POT1: variants seen among roughly 807,000 people sequenced by gnomAD.
The protein encoded by POT1 is protection of telomeres 1.
In POT1, 47 loss-of-function variants were observed where a neutral mutation model predicts 78.5. The observed-to-expected ratio is 0.60, with a 90% confidence interval of 0.47 to 0.76. The LOEUF (loss-of-function observed/expected upper bound fraction) is 0.76, where lower values mean the gene tolerates loss of function less well. POT1 is among the 30% of genes least tolerant of loss of function. POT1 has a pLI of 0.00. For synonymous variants in POT1, 259 were observed against 260.7 expected (o/e 0.99, Z 0.06); for missense variants, 646 against 749.9 (o/e 0.86, Z 1.62).
intron 17 of POT1, among the ~76,000 whole-genome samples, chr7:124,825,635 A>G (rs1175102297): frequency 6.6e-6 from 1 of 152,162 alleles, no homozygotes; most frequent in Non-Finnish European, 1.5e-5. Context: ...GAGGCTGACT[A>G]TTCTCTTTGT....
intron 8 of POT1, among the ~76,000 whole-genome samples, chr7:124,861,273 C>T (rs910819542): frequency 6.6e-6 from 1 of 152,218 alleles, no homozygotes; most frequent in Non-Finnish European, 1.5e-5. Flanking sequence ...CATGTTGTTT[C>T]CTGACTTTTT....
In POT1 at chr7:124,863,547, G is replaced by T; in HGVS notation, c.349C>A (p.Arg117Ser). ...EGTLGAPIIP[R>S]TSSKYFNFTT... ...AAGTTAAAATACTTGCTTGAAGTGCGAGGTATGATAGGGGCTCCCAAAGTT... is the reference window on the plus strand; with the variant it reads ...AAGTTAAAATACTTGCTTGAAGTGCTAGGTATGATAGGGGCTCCCAAAGTT... The change falls in exon 8 of 19, where the codon CGC (arginine) becomes AGC (serine). Residue 117 changes from arginine (R) to serine (S), a missense_variant. This residue lies in a region of POT1 where 252 missense variants were observed against 341.4 expected (regional missense o/e 0.74). Transcript: ENST00000357628. The T allele has an allele frequency of 6.2e-7, 1 of 1,613,864 alleles. No homozygotes were observed.
At chr7:124,829,217 A>G (rs1794701732) in intron 16 of POT1, 37 bp downstream of exon 16, 2 of 1,390,198 alleles carry the variant, frequency 1.4e-6, no homozygotes, top group South Asian at 2.4e-5. Flanking sequence ...CTTGTAAACA[A>G]ACAGTTAAAA....
chr7:124,926,705 G>A (rs1797282601), intron 2 of POT1, among the ~76,000 whole-genome samples: 1 of 152,126 alleles, frequency 6.6e-6, no homozygotes, highest in African/African-American at 2.4e-5. Context: ...TGGAGGACTG[G>A]ATTTAAAAAG....
chr7:124,849,748 A>T (rs572550148), intron 11 of POT1, among the ~76,000 whole-genome samples: 1 of 152,182 alleles, frequency 6.6e-6, no homozygotes, highest in South Asian at 2.1e-4. Context: ...TGAAAAAAGC[A>T]TAACATTATT....
In POT1 at chr7:124,889,612, ACT is replaced by A. The variant is rs1348869567; in HGVS notation, c.124+2652_124+2653del. 3.3e-5 allele frequency among the ~76,000 whole-genome samples: 5 copies of A among 151,896 alleles called. No homozygotes were observed. The South Asian group carries it at 6.3e-4, about 19-fold the overall frequency. ...CTTCAAAGCTTCAAAAAACAGGTTC[ACT>A]CTCTTGTGAGAGTCTAATGCAGTTG... On this transcript the variant is annotated intron_variant, in intron 6 of 18. Transcript: ENST00000357628.
At chr7:124,899,666 G>A (rs1251778482) in intron 3 of POT1, among the ~76,000 whole-genome samples, 3 of 151,992 alleles carry the variant, frequency 2.0e-5, no homozygotes, top group Non-Finnish European at 4.4e-5. Flanking sequence ...ATTTAAAGTT[G>A]TTTATCAAAC....
At chr7:124,869,398 G>A (rs988005309) in intron 7 of POT1, among the ~76,000 whole-genome samples, 3 of 152,070 alleles carry the variant, frequency 2.0e-5, no homozygotes, top group East Asian at 1.9e-4. Flanking sequence ...TATTGTGAAT[G>A]ATGAGATGTT....
intron 5 of POT1, among the ~76,000 whole-genome samples, chr7:124,893,162 T>C (rs1030914172): frequency 3.3e-5 from 5 of 151,412 alleles, no homozygotes; most frequent in Non-Finnish European, 7.4e-5. Context: ...TAAATCAAAC[T>C]GTTAACAGAG....
chr7:124,913,396 T>C (rs932514794), intron 3 of POT1, among the ~76,000 whole-genome samples: 1 of 152,212 alleles, frequency 6.6e-6, no homozygotes, highest in Non-Finnish European at 1.5e-5. Flanking sequence ...AGATATATGA[T>C]TTGCAAATAT....
At chr7:124,884,458 T>G (rs1232534551) in intron 6 of POT1, among the ~76,000 whole-genome samples, 25 of 152,088 alleles carry the variant, frequency 1.6e-4, no homozygotes, top group Admixed American at 1.6e-3. Context: ...CCAAGACTGC[T>G]AAACAAACTA....
intron 6 of POT1, among the ~76,000 whole-genome samples, chr7:124,872,214 T>A (rs1795887906): frequency 6.6e-6 from 1 of 152,204 alleles, no homozygotes; most frequent in Non-Finnish European, 1.5e-5. Context: ...CCACATTTTC[T>A]TTATTCATCC....
rs114383077 is a variant in POT1 at position 124,897,615 on chromosome 7, A to C, written c.-39-403T>G. On this transcript the variant is annotated intron_variant, in intron 4 of 18. Coordinates refer to ENST00000357628, the MANE Select transcript of POT1 (RefSeq NM_015450.3). ...TAGAACCTTAGATGTTTTCAGAAAGAAAAAAATCAATAAGGAAGTGCTTCA... is the reference window on the plus strand; with the variant it reads ...TAGAACCTTAGATGTTTTCAGAAAGCAAAAAATCAATAAGGAAGTGCTTCA... Among the ~76,000 whole-genome samples the C allele has an allele frequency of 5.6e-3, 856 of 152,002 alleles. 8 individuals are homozygous for C. Among genetic ancestry groups the C allele is most frequent in the Middle Eastern group, 0.024 (7 of 294 alleles).
At chr7:124,832,220 C>G (rs1347036500) in intron 15 of POT1, among the ~76,000 whole-genome samples, 1 of 121,974 alleles carries the variant, frequency 8.2e-6, no homozygotes, top group African/African-American at 3.1e-5. Flanking sequence ...AATCATGCCA[C>G]TTCAGCCTGG....
chr7:124,838,541 C>T (rs1035837330), intron 14 of POT1, among the ~76,000 whole-genome samples: 1 of 151,890 alleles, frequency 6.6e-6, no homozygotes, highest in Non-Finnish European at 1.5e-5. Flanking sequence ...AAAGATAGTC[C>T]ATGTTCATCG....
intron 6 of POT1, among the ~76,000 whole-genome samples, chr7:124,886,834 C>G (rs1375572802): frequency 6.6e-6 from 1 of 151,936 alleles, no homozygotes; most frequent in Non-Finnish European, 1.5e-5. Flanking sequence ...CTAATAACAA[C>G]TGAAAATTAA....
chr7:124,825,922 G>GTA (rs1159469844), intron 17 of POT1, among the ~76,000 whole-genome samples: 2 of 152,158 alleles, frequency 1.3e-5, no homozygotes, highest in East Asian at 3.9e-4. Context: ...AATCCATGTA[G>GTA]TAAACATTTT....
chr7:124,876,935 C>T (rs1038021737), intron 6 of POT1, among the ~76,000 whole-genome samples: 19 of 152,084 alleles, frequency 1.2e-4, no homozygotes, highest in Non-Finnish European at 2.6e-4. Flanking sequence ...TAAAATCAAC[C>T]TTAGTACAAT....
intron 5 of POT1, among the ~76,000 whole-genome samples, chr7:124,893,538 A>C (rs1796421633): frequency 6.6e-6 from 1 of 151,516 alleles, no homozygotes; most frequent in African/African-American, 2.4e-5. Context: ...CTGAGATACT[A>C]CTGAAACTCC....
Sources: gnomAD v4.1 joint callset for allele counts (sites outside exome capture counted in the v4.1 genomes callset) on GRCh38, gnomAD v4.1.1 for gene constraint, gnomAD v4.1.1 regional missense constraint, MANE v1.5 for transcripts, NCBI Gene and HGNC (gene_info 2026-07-23, HGNC 2026-07-21) for gene names.